RBM47: variants seen among roughly 807,000 people sequenced by gnomAD.
RBM47 encodes RNA binding motif protein 47, also known as RNA-binding protein 47.
RBM47 carries 21 observed loss-of-function variants against 47.1 expected under a neutral mutation model. That is an observed-to-expected ratio of 0.45 (90% CI 0.32 to 0.64). The LOEUF (loss-of-function observed/expected upper bound fraction) is 0.64. Among genes scored for constraint, RBM47 ranks in the 30% least tolerant of loss-of-function variants. RBM47 has a pLI of 0.05. For missense variants in RBM47, 708 were observed against 870.9 expected (o/e 0.81, Z 2.35); for synonymous variants, 375 against 361.7 (o/e 1.04, Z -0.42).
intron 3 of RBM47, among the ~76,000 whole-genome samples, chr4:40,464,485 GTCTC>G (rs145528486): frequency 2.6e-5 from 4 of 151,906 alleles, no homozygotes; most frequent in East Asian, 1.9e-4. Context: ...TGTGAGTGTG[GTCTC>G]TCTCTCTGTC....
chr4:40,426,229 G>C, intron 6 of RBM47, 86 bp from the exon 7 acceptor site: 1 of 1,508,174 alleles, frequency 6.6e-7, no homozygotes, highest in Non-Finnish European at 8.9e-7. Flanking sequence ...CCCAGAAGAC[G>C]GGAATACAAA....
At chr4:40,470,224 C>T (rs1321990408) in intron 2 of RBM47, among the ~76,000 whole-genome samples, 1 of 152,030 alleles carries the variant, frequency 6.6e-6, no homozygotes, top group Non-Finnish European at 1.5e-5. Flanking sequence ...GCTCCCCCCG[C>T]CCCCCAGCCT....
At chr4:40,571,884 G>A (rs1038148377) in intron 1 of RBM47, among the ~76,000 whole-genome samples, 4 of 151,644 alleles carry the variant, frequency 2.6e-5, no homozygotes, top group Admixed American at 6.6e-5. Context: ...TTAGCCAGGC[G>A]TGGTGGTCCA....
rs1295289063 is a variant in RBM47, at chr4:40,530,510, C to A, written c.-155+13912G>T. Among the ~76,000 whole-genome samples the A allele has an allele frequency of 3.3e-5, 5 of 151,848 alleles. No individual in the cohort carries two copies. The East Asian group carries it at 9.7e-4, about 29-fold the overall frequency. The stretch of plus-strand genomic sequence containing the variant: ...TAGAGATAGGGTTTCACTATATTGG[C>A]CAGGCTGGTCTTGAACTCCTGACCT... On this transcript the variant is annotated intron_variant, in intron 2 of 6. Coordinates refer to ENST00000295971, the MANE Select transcript of RBM47 (RefSeq NM_001098634.2).
intron 2 of RBM47, among the ~76,000 whole-genome samples, chr4:40,540,492 A>C (rs1728405043): frequency 6.6e-6 from 1 of 151,860 alleles, no homozygotes; most frequent in Non-Finnish European, 1.5e-5. Context: ...ATACAAAATT[A>C]GCCAGGCATG....
intron 1 of RBM47, among the ~76,000 whole-genome samples, chr4:40,613,048 T>C (rs1397348295): frequency 6.6e-6 from 1 of 152,224 alleles, no homozygotes; most frequent in African/African-American, 2.4e-5. Flanking sequence ...ACGGAGCTCA[T>C]TTCTAGCCAT....
chr4:40,557,083 T>C (rs1315165278), intron 1 of RBM47, among the ~76,000 whole-genome samples: 12 of 152,188 alleles, frequency 7.9e-5, no homozygotes, highest in African/African-American at 2.9e-4. Flanking sequence ...TCAACTTTTC[T>C]GTCCCCTAAA....
Position 40,600,600 on chromosome 4 carries a change from C to T in RBM47, c.-240+28796G>A, listed in dbSNP as rs149196848. On this transcript the variant is annotated intron_variant, in intron 1 of 6. Transcript: ENST00000295971. ...AGTGAGCGGAGATCGCTCCACTGCA[C>T]TCCAGCCTGGGCGACAGAGCGAGGC... Among the ~76,000 whole-genome samples, 23 of 149,476 alleles carry T rather than the reference C, an allele frequency of 1.5e-4. 1 individual carries two copies. The East Asian group carries it at 4.7e-3, about 31-fold the overall frequency.
intron 2 of RBM47, among the ~76,000 whole-genome samples, chr4:40,525,452 C>G (rs1157684756): frequency 6.6e-6 from 1 of 152,108 alleles, no homozygotes; most frequent in East Asian, 1.9e-4. Context: ...AAAAGAGATG[C>G]TGGTCTTTCA....
At position 40,462,219 on chromosome 4, in the gene RBM47, A is replaced by G. The variant is rs569076957; in HGVS notation, c.-32+4358T>C. Among the ~76,000 whole-genome samples, 147 of 152,326 alleles carry G rather than the reference A, an allele frequency of 9.7e-4. 1 individual carries two copies. In the Middle Eastern group the frequency reaches 0.01, roughly 11 times the overall value. ...TCCAAGGGAAGTCTAGACAGGCTTC[A>G]CATTTTGTTAAGTACAGCTAGGTTC... On this transcript the variant is annotated intron_variant, in intron 3 of 6. Transcript: ENST00000295971.
chr4:40,519,421 C>T (rs1725956407), intron 2 of RBM47, among the ~76,000 whole-genome samples: 2 of 151,176 alleles, frequency 1.3e-5, no homozygotes, highest in African/African-American at 4.9e-5. Flanking sequence ...CCTCAGCCTC[C>T]AGAGTAGCTG....
At chr4:40,501,308 CAAA>C (rs1205151794) in intron 2 of RBM47, among the ~76,000 whole-genome samples, 1 of 152,130 alleles carries the variant, frequency 6.6e-6, no homozygotes, top group Non-Finnish European at 1.5e-5. Flanking sequence ...AGTTGGATGA[CAAA>C]GAAGATGTGG....
intron 1 of RBM47, among the ~76,000 whole-genome samples, chr4:40,625,109 A>T (rs578193999): frequency 6.6e-6 from 1 of 152,092 alleles, no homozygotes; most frequent in African/African-American, 2.4e-5. Context: ...TGGCCTCCCA[A>T]AGTGCTGGGA....
At chr4:40,481,897 C>T (rs1560406766) in intron 2 of RBM47, among the ~76,000 whole-genome samples, 2 of 152,186 alleles carry the variant, frequency 1.3e-5, no homozygotes, top group East Asian at 3.9e-4. Context: ...GTTGGCCACG[C>T]TGGTCTCGAA....
At chr4:40,567,077 G>A (rs989645818) in intron 1 of RBM47, among the ~76,000 whole-genome samples, 1 of 151,916 alleles carries the variant, frequency 6.6e-6, no homozygotes, top group Non-Finnish European at 1.5e-5. Flanking sequence ...GAGAAACTAA[G>A]GCTCAGAGAA....
chr4:40,469,529 G>C (rs545302594), intron 2 of RBM47, among the ~76,000 whole-genome samples: 3 of 151,534 alleles, frequency 2.0e-5, no homozygotes, highest in South Asian at 2.1e-4. Context: ...TGCCTCCTGG[G>C]TTCAAGCGAT....
rs1382840247 is a variant in RBM47 at position 40,436,436 on chromosome 4, C to T, written c.1330+5G>A. 6.2e-7 allele frequency: 1 copy of T among 1,612,198 alleles called. No individual in the cohort carries two copies. Among genetic ancestry groups the T allele is most frequent in the Non-Finnish European group, 8.5e-7 (1 of 1,179,428 alleles). On this transcript the variant is annotated splice_donor_5th_base_variant and intron_variant, in intron 5 of 6. Transcript: ENST00000295971. Reference sequence around the variant, plus strand: ...GGGAGCATTCTCAATCTGCTTCATACTGACCTGTACCAGGTTTAATGGCAA... The same window carrying T: ...GGGAGCATTCTCAATCTGCTTCATATTGACCTGTACCAGGTTTAATGGCAA...
chr4:40,618,722 T>C (rs1226079037), intron 1 of RBM47, among the ~76,000 whole-genome samples: 3 of 147,958 alleles, frequency 2.0e-5, no homozygotes, highest in East Asian at 2.0e-4. Context: ...GGCAGGAAAG[T>C]TGCTTGAACC....
chr4:40,437,781 G>C lies in RBM47; in HGVS notation c.1113C>G (p.Tyr371Ter). 6.3e-7 allele frequency: 1 copy of C among 1,599,930 alleles called. No homozygotes were observed. The highest frequency in any genetic ancestry group is 8.6e-7 in the Non-Finnish European group (1 of 1,168,532). ...AGAGCCCCCACTAACCTTTCACAAAGTAGTCCCTGTTGGGCCCAATGAGCG... is the reference window on the plus strand; with the variant it reads ...AGAGCCCCCACTAACCTTTCACAAACTAGTCCCTGTTGGGCCCAATGAGCG... ...YNALIGPNRD[Y>*]FVKAGSIRGR... The change falls in exon 4 of 7, where the codon TAC becomes TAG. Residue 371 changes from tyrosine (Y) to a stop codon, truncating the protein, a stop_gained. Transcript: ENST00000295971. LOFTEE classifies it high-confidence loss of function.
Sources: allele counts gnomAD v4.1 joint callset (sites outside exome capture counted in the v4.1 genomes callset), GRCh38; gene constraint gnomAD v4.1.1; transcripts MANE v1.5; gene names NCBI Gene and HGNC (gene_info 2026-07-23, HGNC 2026-07-21).